METTL21A: variants seen among roughly 807,000 people sequenced by gnomAD.
The protein encoded by METTL21A is protein N-lysine methyltransferase METTL21A.
In METTL21A, 22 loss-of-function variants were observed where a neutral mutation model predicts 20.9. That is an observed-to-expected ratio of 1.05 (90% CI 0.75 to 1.50). The LOEUF (loss-of-function observed/expected upper bound fraction) is 1.50. Ranked by LOEUF, METTL21A falls within the 40% of genes most tolerant of loss-of-function variation. The pLI is 0.00. For missense variants in METTL21A, 271 were observed against 266.8 expected (o/e 1.02, Z -0.11); for synonymous variants, 93 against 102.0 (o/e 0.91, Z 0.53).
intron 3 of METTL21A, among the ~76,000 whole-genome samples, chr2:207,619,299 G>A (rs1355890680): frequency 1.3e-5 from 2 of 151,728 alleles, no homozygotes; most frequent in East Asian, 1.9e-4. Flanking sequence ...CTTCTGGTGG[G>A]TTCTCCCCAA....
At chr2:207,601,335 T>C (rs915934256) in intron 3 of METTL21A, 2 of 185,932 alleles carry the variant, frequency 1.1e-5, no homozygotes, top group Non-Finnish European at 2.3e-5. Flanking sequence ...TTTTAGTCTT[T>C]CTCCTCTCTT....
intron 3 of METTL21A, chr2:207,599,772 T>C (rs1295122386): frequency 5.1e-6 from 1 of 196,354 alleles, no homozygotes. Context: ...GAAAATGACA[T>C]AATTTTTAAA....
intron 2 of METTL21A, among the ~76,000 whole-genome samples, chr2:207,622,911 CTTT>C (rs769382433): frequency 6.9e-6 from 1 of 144,580 alleles, no homozygotes; most frequent in Non-Finnish European, 1.5e-5. Context: ...TATTATTTAT[CTTT>C]TTTTTTTTTT....
At chr2:207,586,320 A>G (rs1313376705) in intron 3 of METTL21A, among the ~76,000 whole-genome samples, 1 of 152,234 alleles carries the variant, frequency 6.6e-6, no homozygotes, top group Non-Finnish European at 1.5e-5. Context: ...ACATTGGGGA[A>G]AGGACACTCT....
At chr2:207,588,216 G>A (rs1293620407) in intron 3 of METTL21A, among the ~76,000 whole-genome samples, 2 of 152,128 alleles carry the variant, frequency 1.3e-5, no homozygotes, top group Non-Finnish European at 2.9e-5. Flanking sequence ...GTTTACTTTT[G>A]TATAAGGTGT....
At chr2:207,590,850 A>G (rs1216178307) in intron 3 of METTL21A, among the ~76,000 whole-genome samples, 1 of 152,136 alleles carries the variant, frequency 6.6e-6, no homozygotes, top group Non-Finnish European at 1.5e-5. Context: ...TTTTTCTAAC[A>G]TAAGTATTTA....
At chr2:207,616,776 G>A (rs1396512530) in intron 3 of METTL21A, among the ~76,000 whole-genome samples, 1 of 152,024 alleles carries the variant, frequency 6.6e-6, no homozygotes, top group Non-Finnish European at 1.5e-5. Context: ...AACCCGGGAG[G>A]CAGAGGTTGC....
chr2:207,601,794 C>A (rs1208147919), intron 3 of METTL21A: 1 of 218,734 alleles, frequency 4.6e-6, no homozygotes, highest in Non-Finnish European at 9.2e-6. Context: ...CATAGTAAGG[C>A]TGTAGGTGAA....
Position 207,593,491 on chromosome 2 carries a change from C to T in METTL21A, c.260-11331G>A, listed in dbSNP as rs541756704. Among the ~76,000 whole-genome samples the T allele has an allele frequency of 3.3e-5, 5 of 152,320 alleles. No individual in the cohort carries two copies. The South Asian group carries it at 1.0e-3, about 32-fold the overall frequency. The stretch of plus-strand genomic sequence containing the variant: ...GCTGCAGTGAGCCCTCATTGTGCCA[C>T]TGCACTCCAGCCTGGGCAGCAGAGC... On this transcript the variant is annotated intron_variant, in intron 3 of 3. Coordinates refer to the METTL21A transcript ENST00000425132.
intron 2 of METTL21A, among the ~76,000 whole-genome samples, chr2:207,623,342 C>A (rs768959607): frequency 1.2e-4 from 19 of 152,210 alleles, no homozygotes; most frequent in Non-Finnish European, 1.9e-4. Context: ...AACTGTCAAA[C>A]TGTATTTATG....
intron 3 of METTL21A, chr2:207,596,839 GAAA>G (rs72094349): frequency 5.1e-6 from 7 of 1,363,620 alleles, no homozygotes; most frequent in Admixed American, 2.5e-5. Context: ...CTTTAAAAAA[GAAA>G]AAAAAAAGGT....
exon 4 of METTL21A, chr2:207,581,850 A>G: frequency 1.4e-6 from 1 of 702,824 alleles, no homozygotes; most frequent in South Asian, 1.5e-5. Context: ...AGTCTGTGAA[A>G]GTTTGTTTCC....
chr2:207,595,996 G>A (rs1194781364), intron 3 of METTL21A, among the ~76,000 whole-genome samples: 1 of 152,238 alleles, frequency 6.6e-6, no homozygotes, highest in African/African-American at 2.4e-5. Flanking sequence ...AGTCCTATTT[G>A]TCTATTTTTG....
chr2:207,606,643 C>A (rs1266792165), downstream of METTL21A, among the ~76,000 whole-genome samples: 1 of 152,196 alleles, frequency 6.6e-6, no homozygotes, highest in African/African-American at 2.4e-5. Flanking sequence ...GAGAAAGCTA[C>A]TTCTCTCTAG....
At chr2:207,592,918 G>GAAAAAAAAAAAGAAAA (rs1034475253) in intron 3 of METTL21A, among the ~76,000 whole-genome samples, 1 of 151,822 alleles carries the variant, frequency 6.6e-6, no homozygotes, top group Non-Finnish European at 1.5e-5. Flanking sequence ...TCTCAAAAAA[G>GAAAAAAAAAAAGAAAA]AAAAGAAAAT....
chr2:207,587,961 C>G (rs1254432912), intron 3 of METTL21A, among the ~76,000 whole-genome samples: 1 of 151,940 alleles, frequency 6.6e-6, no homozygotes, highest in East Asian at 1.9e-4. Flanking sequence ...TGTTCACAAC[C>G]CAACAAAATG....
rs372179619 is a variant in METTL21A at position 207,619,962 on chromosome 2, A to C, written c.259+1844T>G. Among the ~76,000 whole-genome samples the C allele has an allele frequency of 2.6e-4, 40 of 152,366 alleles. No homozygotes were observed. In the East Asian group the frequency reaches 7.3e-3, roughly 28 times the overall value. ...GCAACTTGCCCAAGGTCACACGACTAGTAAGAATGAAAAGAAATGTCAAAA... is the reference window on the plus strand; with the variant it reads ...GCAACTTGCCCAAGGTCACACGACTCGTAAGAATGAAAAGAAATGTCAAAA... On this transcript the variant is annotated intron_variant, in intron 3 of 3. Transcript: ENST00000406927.
chr2:207,623,710 A>G (rs2090780294), intron 2 of METTL21A, among the ~76,000 whole-genome samples: 1 of 152,064 alleles, frequency 6.6e-6, no homozygotes, highest in Admixed American at 6.6e-5. Context: ...AAAATTAACC[A>G]GGTGTGGTGG....
intron 3 of METTL21A, chr2:207,598,431 C>G: frequency 5.5e-6 from 1 of 180,918 alleles, no homozygotes; most frequent in African/African-American, 2.4e-5. Context: ...TTCAATACCA[C>G]TTTTAATTGT....
Sources: gnomAD v4.1 joint callset for allele counts (sites outside exome capture counted in the v4.1 genomes callset) on GRCh38, gnomAD v4.1.1 for gene constraint, MANE v1.5 for transcripts, NCBI Gene and HGNC (gene_info 2026-07-23, HGNC 2026-07-21) for gene names.